Variants in RAB11FIP1 observed in about 807,000 individuals in gnomAD.
RAB11FIP1 encodes the protein rab11 family-interacting protein 1.
RAB11FIP1 carries 49 observed loss-of-function variants against 83.1 expected under a neutral mutation model. That is an observed-to-expected ratio of 0.59 (90% CI 0.47 to 0.75). The LOEUF is 0.75. Ranked by LOEUF, RAB11FIP1 falls within the 30% of genes least tolerant of loss-of-function variation. The pLI, the probability that RAB11FIP1 is intolerant of heterozygous loss-of-function variation, is 0.00. For missense variants in RAB11FIP1, 1,536 were observed against 1,598.7 expected, an observed-to-expected ratio of 0.96 and a Z score of 0.67; for synonymous variants, 670 against 656.0, an observed-to-expected ratio of 1.02 and a Z score of -0.33.
At chr8:37,875,774 T>C (rs989231779) in intron 2 of RAB11FIP1, among the ~76,000 whole-genome samples, 1 of 151,680 alleles carries the variant, frequency 6.6e-6, no homozygotes, top group Non-Finnish European at 1.5e-5. Context: ...TAATGAAATA[T>C]CAGAATTACC....
rs111774996 is a variant in RAB11FIP1, at chr8:37,877,999, C to T, written c.372-448G>A. The T allele has an allele frequency of 2.5e-4, 39 of 155,170 alleles. 1 individual carries two copies. The South Asian group carries it at 3.2e-3, about 13-fold the overall frequency. 9.6% of individuals were successfully genotyped at this position (155,170 alleles called of 1,614,324 possible). On this transcript the variant is annotated intron_variant, in intron 1 of 5. Coordinates refer to ENST00000330843, the MANE Select transcript of RAB11FIP1 (RefSeq NM_001002814.3). Reference sequence around the variant, plus strand: ...CCTCCCAAAATGTTGGGATTACAGGCGTGAGCCACTGCACCCGGCTGAGAG... The same window carrying T: ...CCTCCCAAAATGTTGGGATTACAGGTGTGAGCCACTGCACCCGGCTGAGAG...
rs371085767 is a variant in RAB11FIP1, at chr8:37,872,487, G to A, written c.2315C>T (p.Ala772Val). ...SKARDAAEEV[A>V]PPLPMGASVP... ...TGATGCTCCCATGGGAAGAGGGGGCGCCACTTCTTCAGCTGCATCCCTGGC... is the reference window on the plus strand; with the variant it reads ...TGATGCTCCCATGGGAAGAGGGGGCACCACTTCTTCAGCTGCATCCCTGGC... Residue 772 changes from alanine (A) to valine (V), a missense_variant, in exon 4 of 6, where the codon GCG becomes GTG. Transcript: ENST00000330843. 42 of 1,614,010 alleles carry A rather than the reference G, an allele frequency of 2.6e-5. No individual in the cohort carries two copies. The East Asian group carries it at 3.8e-4, about 15-fold the overall frequency.
At chr8:37,882,724 C>A (rs1356888158) in intron 1 of RAB11FIP1, among the ~76,000 whole-genome samples, 2 of 152,190 alleles carry the variant, frequency 1.3e-5, no homozygotes, top group Non-Finnish European at 2.9e-5. Context: ...TGGATCAGGA[C>A]CCCTTTCCTG....
Position 37,895,132 on chromosome 8 carries a change from C to A in RAB11FIP1, c.371+3939G>T, listed in dbSNP as rs527793663. Among the ~76,000 whole-genome samples, 7 of 135,382 alleles carry A rather than the reference C, an allele frequency of 5.2e-5. No individual in the cohort carries two copies. The South Asian group carries it at 1.7e-3, about 32-fold the overall frequency. 88.8% of individuals were successfully genotyped at this position (135,382 alleles called of 152,430 possible). On this transcript the variant is annotated intron_variant, in intron 1 of 5. Coordinates refer to ENST00000330843, the MANE Select transcript of RAB11FIP1 (RefSeq NM_001002814.3). ...CCAAGCTGGAGTGCAGTAGCCTGAT[C>A]ACAGTTCACCCTAACCTTTAACTCT...
intron 1 of RAB11FIP1, among the ~76,000 whole-genome samples, chr8:37,883,620 C>T (rs1806767008): frequency 6.6e-6 from 1 of 152,230 alleles, no homozygotes; most frequent in South Asian, 2.1e-4. Flanking sequence ...AAGAACACAT[C>T]TGGGGATTTT....
intron 5 of RAB11FIP1, among the ~76,000 whole-genome samples, chr8:37,869,908 A>T (rs541836844): frequency 6.6e-6 from 1 of 152,330 alleles, no homozygotes; most frequent in African/African-American, 2.4e-5. Context: ...AAATAATGTT[A>T]CCAAAAAAGT....
chr8:37,886,665 T>C (rs1356430821), intron 1 of RAB11FIP1, among the ~76,000 whole-genome samples: 1 of 152,186 alleles, frequency 6.6e-6, no homozygotes, highest in Non-Finnish European at 1.5e-5. Flanking sequence ...CAGGGGATGA[T>C]GGCCTCGAGT....
intron 1 of RAB11FIP1, among the ~76,000 whole-genome samples, chr8:37,882,167 C>T (rs1806745356): frequency 1.3e-5 from 2 of 152,162 alleles, no homozygotes; most frequent in African/African-American, 4.8e-5. Context: ...TAGCCCTCCA[C>T]GGGGATGCAC....
chr8:37,881,315 C>A (rs1217734345), intron 1 of RAB11FIP1, among the ~76,000 whole-genome samples: 1 of 152,218 alleles, frequency 6.6e-6, no homozygotes, highest in Non-Finnish European at 1.5e-5. Context: ...CTTTCCCCTA[C>A]ACCAAGACTC....
At chr8:37,896,965 A>G (rs1563377144) in intron 1 of RAB11FIP1, among the ~76,000 whole-genome samples, 1 of 152,178 alleles carries the variant, frequency 6.6e-6, no homozygotes, top group Non-Finnish European at 1.5e-5. Context: ...AAGGAAGTGA[A>G]TACACACATG....
In RAB11FIP1 at chr8:37,899,128, C is replaced by A; in HGVS notation, c.314G>T (p.Gly105Val). ...ATCCCGCAGGTCCACCTCGGCGCGG[C>A]CCAGGAACTTGTCGAGGCCGAGCAG... ...RALLGLDKFL[G>V]RAEVDLRDLH... The change falls in exon 1 of 6, where the codon GGC becomes GTC. Residue 105 changes from glycine (G) to valine (V), a missense_variant. Transcript: ENST00000330843. This position sits in a 1 kb window ranked among gnomAD's most constrained non-coding sequence, Gnocchi z 4.5. 1.3e-6 allele frequency: 2 copies of A among 1,541,612 alleles called. No homozygotes were observed. Among genetic ancestry groups the A allele is most frequent in the East Asian group, 2.5e-5 (1 of 40,528 alleles).
At position 37,861,137 on chromosome 8, in the gene RAB11FIP1, C is replaced by T. The variant is rs1295174568; in HGVS notation, c.*1758G>A. On this transcript the variant is annotated 3_prime_UTR_variant, in exon 6 of 6. Coordinates refer to ENST00000330843, the MANE Select transcript of RAB11FIP1 (RefSeq NM_001002814.3). ...CTTAAGTGAGTAACAACAAAATTAC[C>T]TGAAAAATCTCAGCTGGTGCTTTTA... 6.5e-6 allele frequency: 1 copy of T among 152,982 alleles called. No homozygotes were observed. Among genetic ancestry groups the T allele is most frequent in the Non-Finnish European group, 1.5e-5 (1 of 68,828 alleles). 9.5% of individuals were successfully genotyped at this position (152,982 alleles called of 1,614,324 possible). A position where few individuals can be genotyped will look rare whatever the true frequency, so the allele number is the denominator to read the frequency against.
At chr8:37,892,610 C>G (rs1806971754) in intron 1 of RAB11FIP1, among the ~76,000 whole-genome samples, 1 of 151,996 alleles carries the variant, frequency 6.6e-6, no homozygotes, top group African/African-American at 2.4e-5. Flanking sequence ...CCATGGCCAG[C>G]TAATTTTTGT....
chr8:37,862,946 G>A lies in RAB11FIP1; in HGVS notation c.3801C>T (p.Pro1267=), dbSNP rs762659911. 6.2e-7 allele frequency: 1 copy of A among 1,613,862 alleles called. No individual in the cohort carries two copies. The highest frequency in any genetic ancestry group is 8.5e-7 in the Non-Finnish European group (1 of 1,179,960). The change falls in exon 6 of 6, where the codon CCC becomes CCT. Residue 1267 remains proline (P), a synonymous_variant. Transcript: ENST00000330843. ...NLLVRVMEET[P]NILRIPTQVG... ...CCTGAGTCGGGATGCGGAGGATATT[G>A]GGGGTTTCTTCCATGACCCTGACAA...
rs1255625758 is a variant in RAB11FIP1 at position 37,873,057 on chromosome 8, T to C, written c.1745A>G (p.His582Arg). Residue 582 changes from histidine to arginine, a missense_variant, in exon 4 of 6, where the codon CAT (histidine) becomes CGT (arginine). By Grantham distance (29) the His-to-Arg change is conservative (BLOSUM62 0). Transcript: ENST00000330843. The stretch of plus-strand genomic sequence containing the variant: ...CTCAGAGGACTGTGTGTCTGCACCA[T>C]GTCCCAATTCAGAGGGGACAGATGC... ...GQASVPSELG[H>R]GADTQSSESP... 17 of 1,613,984 alleles carry C rather than the reference T, an allele frequency of 1.1e-5. No individual in the cohort carries two copies. Among genetic ancestry groups the C allele is most frequent in the Non-Finnish European group, 1.4e-5 (16 of 1,180,036 alleles).
At chr8:37,888,790 CTTTTTTTTTTT>C (rs35214439) in intron 1 of RAB11FIP1, among the ~76,000 whole-genome samples, 3 of 100,650 alleles carry the variant, frequency 3.0e-5, no homozygotes, top group Non-Finnish European at 5.8e-5. Context: ...CGTTCTGCAA[CTTTTTTTTTTT>C]TTTTTTTTTT....
At position 37,875,370 on chromosome 8, in the gene RAB11FIP1, G is replaced by T. The variant is rs749368142; in HGVS notation, c.815-48C>A. On this transcript the variant is annotated intron_variant, in intron 2 of 5. Coordinates refer to ENST00000330843, the MANE Select transcript of RAB11FIP1 (RefSeq NM_001002814.3). ...AAGGGGATAAGATGTTAAACGGGTGGTTTGCAGTGTAGGGGCATCTGTCAA... is the reference window on the plus strand; with the variant it reads ...AAGGGGATAAGATGTTAAACGGGTGTTTTGCAGTGTAGGGGCATCTGTCAA... The T allele has an allele frequency of 2.1e-6, 3 of 1,433,934 alleles. No homozygotes were observed. In the Admixed American group the frequency reaches 5.5e-5, roughly 26 times the overall value. 88.8% of individuals were successfully genotyped at this position (1,433,934 alleles called of 1,614,324 possible).
Position 37,862,937 on chromosome 8 carries a change from G to A in RAB11FIP1, c.3810C>T (p.Leu1270=). 1.2e-6 allele frequency: 2 copies of A among 1,613,480 alleles called. No homozygotes were observed. The highest frequency in any genetic ancestry group is 1.7e-5 in the Admixed American group (1 of 59,974). The change falls in exon 6 of 6, where the codon CTC becomes CTT. Residue 1270 remains leucine (L), a synonymous_variant. Transcript: ENST00000330843. ...TTTTGCCAACCTGAGTCGGGATGCG[G>A]AGGATATTGGGGGTTTCTTCCATGA... ...VRVMEETPNI[L]RIPTQVGKKA...
chr8:37,885,952 A>G (rs1806825280), intron 1 of RAB11FIP1, among the ~76,000 whole-genome samples: 1 of 152,232 alleles, frequency 6.6e-6, no homozygotes, highest in African/African-American at 2.4e-5. Context: ...TGGGGAAATG[A>G]AAAGCCTTCC....
Sources: allele counts gnomAD v4.1 joint callset (sites outside exome capture counted in the v4.1 genomes callset), GRCh38; gene constraint gnomAD v4.1.1; non-coding constraint Gnocchi (gnomAD v3.1); transcripts MANE v1.5; gene names NCBI Gene and HGNC (gene_info 2026-07-23, HGNC 2026-07-21).